The following NRXN3 variants were observed in gnomAD, a reference collection of about 807,000 sequenced individuals.
NRXN3 encodes the protein neurexin 3, also known as neurexin III.
Under a neutral mutation model 137.6 loss-of-function variants are expected in NRXN3, and 32 were observed. The ratio of observed to expected loss-of-function variants is 0.23; its 90% confidence interval spans 0.18 to 0.31. The LOEUF is 0.31. Among genes scored for constraint, NRXN3 ranks in the 10% least tolerant of loss-of-function variants. The pLI, the probability that NRXN3 is intolerant of heterozygous loss-of-function variation, is 1.00. For missense variants in NRXN3, 1,574 were observed against 2,062.5 expected, an observed-to-expected ratio of 0.76 and a Z score of 4.59; for synonymous variants, 798 against 784.5, an observed-to-expected ratio of 1.02 and a Z score of -0.29.
chr14:78,347,747 A>ACCT (rs1231380021), intron 4 of NRXN3, among the ~76,000 whole-genome samples: 8 of 152,142 alleles, frequency 5.3e-5, no homozygotes, highest in Non-Finnish European at 5.9e-5. Flanking sequence ...TGGAATCAGG[A>ACCT]GTCCTTGGTT....
intron 4 of NRXN3, among the ~76,000 whole-genome samples, chr14:78,466,675 AAG>A (rs1223406669): frequency 6.6e-6 from 1 of 152,208 alleles, no homozygotes; most frequent in Non-Finnish European, 1.5e-5. Flanking sequence ...ATGCAAAGTA[AAG>A]AGAGCAACCT....
intron 4 of NRXN3, among the ~76,000 whole-genome samples, chr14:78,593,967 G>A (rs182974237): frequency 1.6e-4 from 25 of 152,224 alleles, no homozygotes; most frequent in African/African-American, 5.5e-4. Context: ...GAGGGAAGAG[G>A]CTGCTGGTGC....
At chr14:78,943,788 C>T (rs924477256) in intron 10 of NRXN3, among the ~76,000 whole-genome samples, 7 of 150,130 alleles carry the variant, frequency 4.7e-5, no homozygotes, top group African/African-American at 1.5e-4. Context: ...GTGGATTAAG[C>T]TTATAAGGAA....
chr14:78,582,171 A>G lies in NRXN3; in HGVS notation c.758-62949A>G, dbSNP rs144257558. Among the ~76,000 whole-genome samples, 584 of 152,282 alleles carry G rather than the reference A, an allele frequency of 3.8e-3. 8 individuals carry two copies. The highest frequency in any genetic ancestry group is 0.013 in the African/African-American group (553 of 41,544). On this transcript the variant is annotated intron_variant, in intron 4 of 20. Transcript: ENST00000335750. ...CAGGACTAGAGAGAGCTACTTCATG[A>G]TGTTGGAGATCTGGAGTTTAGGAAG...
At chr14:79,132,426 A>C (rs773116779) in intron 15 of NRXN3, among the ~76,000 whole-genome samples, 12 of 152,238 alleles carry the variant, frequency 7.9e-5, no homozygotes, top group Non-Finnish European at 4.4e-5. Context: ...TAGGATGTAA[A>C]ATAGCACATT....
In NRXN3 at chr14:79,688,774, A is replaced by G. The variant is rs112123756; in HGVS notation, c.3617-3399A>G. Among the ~76,000 whole-genome samples the G allele has an allele frequency of 3.2e-3, 491 of 152,286 alleles. 5 individuals are homozygous for G. Among genetic ancestry groups the G allele is most frequent in the African/African-American group, 0.011 (466 of 41,578 alleles). ...ATTCCACAGTGCATGTGCTTGTTGC[A>G]CACGTCTCCAGGAGTTGAAATACTT... On this transcript the variant is annotated intron_variant, in intron 17 of 20. Coordinates refer to ENST00000335750, the MANE Select transcript of NRXN3 (RefSeq NM_001330195.2).
At chr14:78,615,791 A>G (rs2097342289) in intron 4 of NRXN3, among the ~76,000 whole-genome samples, 1 of 152,054 alleles carries the variant, frequency 6.6e-6, no homozygotes, top group African/African-American at 2.4e-5. Context: ...AAACAAAACA[A>G]TTAGTTGGAT....
At chr14:79,157,457 C>G (rs1596575668) in intron 15 of NRXN3, among the ~76,000 whole-genome samples, 1 of 151,720 alleles carries the variant, frequency 6.6e-6, no homozygotes, top group African/African-American at 2.4e-5. Flanking sequence ...TTCCAGAATC[C>G]CTGAGGCTTG....
At chr14:79,551,634 T>C (rs1032396424) in intron 16 of NRXN3, among the ~76,000 whole-genome samples, 2 of 152,172 alleles carry the variant, frequency 1.3e-5, no homozygotes, top group Admixed American at 1.3e-4. Context: ...TGTCTGTCTT[T>C]ATTCTGACAG....
Position 78,510,464 on chromosome 14 carries a change from A to G in NRXN3, c.758-134656A>G, listed in dbSNP as rs180901046. Reference sequence around the variant, plus strand: ...ATTGATTCTCGGATGTTTTCAAAGAATCCTACATCCACATATCTCAAAGGA... The same window carrying G: ...ATTGATTCTCGGATGTTTTCAAAGAGTCCTACATCCACATATCTCAAAGGA... On this transcript the variant is annotated intron_variant, in intron 4 of 20. Coordinates refer to ENST00000335750, the MANE Select transcript of NRXN3 (RefSeq NM_001330195.2). Among the ~76,000 whole-genome samples the G allele has an allele frequency of 3.1e-3, 473 of 152,282 alleles. 1 individual carries two copies. The highest frequency in any genetic ancestry group is 0.011 in the African/African-American group (446 of 41,564).
chr14:79,188,058 A>G (rs2063748845), intron 15 of NRXN3, among the ~76,000 whole-genome samples: 2 of 152,226 alleles, frequency 1.3e-5, no homozygotes, highest in Admixed American at 6.5e-5. Flanking sequence ...ATCTTGTTAC[A>G]AGTTCATTAC....
At chr14:78,459,099 G>A (rs1008391901) in intron 4 of NRXN3, among the ~76,000 whole-genome samples, 1 of 152,136 alleles carries the variant, frequency 6.6e-6, no homozygotes, top group Admixed American at 6.5e-5. Flanking sequence ...GGTAGATGTG[G>A]ACTTACATAG....
chr14:78,972,066 A>G (rs2099443448), intron 14 of NRXN3, among the ~76,000 whole-genome samples: 1 of 152,210 alleles, frequency 6.6e-6, no homozygotes, highest in African/African-American at 2.4e-5. Flanking sequence ...ACTCCTAGTC[A>G]ACATTTAGTT....
chr14:78,480,754 C>G (rs1263298199), intron 4 of NRXN3, among the ~76,000 whole-genome samples: 3 of 152,034 alleles, frequency 2.0e-5, no homozygotes, highest in African/African-American at 7.3e-5. Context: ...TTTTTTGTCC[C>G]TTTCTATACT....
At position 79,568,043 on chromosome 14, in the gene NRXN3, T is replaced by G. The variant is rs144951835; in HGVS notation, c.3445-95735T>G. ...GTTTTGGGTGCTAGAGCATGCTTTA[T>G]TTCAATCACAATTCAATGGAACTGA... On this transcript the variant is annotated intron_variant, in intron 16 of 20. Transcript: ENST00000335750. 5.2e-3 allele frequency among the ~76,000 whole-genome samples: 789 copies of G among 152,264 alleles called. 6 individuals are homozygous for G. Among genetic ancestry groups the G allele is most frequent in the African/African-American group, 0.018 (752 of 41,560 alleles).
chr14:79,387,107 C>T (rs1159986834), intron 15 of NRXN3, among the ~76,000 whole-genome samples: 3 of 152,010 alleles, frequency 2.0e-5, no homozygotes, highest in African/African-American at 7.2e-5. Flanking sequence ...CAAATGGGAT[C>T]TAATTAAACT....
chr14:78,403,948 T>A, intron 4 of NRXN3: 1 of 898,206 alleles, frequency 1.1e-6, no homozygotes, highest in East Asian at 1.2e-4. Flanking sequence ...TGTTCCCCAT[T>A]TGCCTTACAT....
At chr14:79,587,768 G>A (rs2097773753) in intron 16 of NRXN3, among the ~76,000 whole-genome samples, 1 of 152,158 alleles carries the variant, frequency 6.6e-6, no homozygotes, top group African/African-American at 2.4e-5. Flanking sequence ...AGCAAATCTT[G>A]GTGAGCAGAA....
chr14:79,768,781 T>C (rs191665417), intron 19 of NRXN3, among the ~76,000 whole-genome samples: 262 of 151,862 alleles, frequency 1.7e-3, no homozygotes, highest in African/African-American at 6.2e-3. Context: ...GAGAATGACT[T>C]TGACGAGCTG....
Sources: allele counts gnomAD v4.1 joint callset (sites outside exome capture counted in the v4.1 genomes callset), GRCh38; gene constraint gnomAD v4.1.1; transcripts MANE v1.5; gene names NCBI Gene and HGNC (gene_info 2026-07-23, HGNC 2026-07-21).